DCHS2: variants seen among roughly 807,000 people sequenced by gnomAD.
DCHS2 encodes the protein dachsous cadherin-related 2.
DCHS2 carries 142 observed loss-of-function variants against 182.4 expected under a neutral mutation model. The observed-to-expected ratio is 0.78, with a 90% confidence interval of 0.68 to 0.89. DCHS2 has a LOEUF of 0.89. Among genes scored for constraint, DCHS2 ranks in the 40% least tolerant of loss-of-function variants. The pLI, the probability that DCHS2 is intolerant of heterozygous loss-of-function variation, is 0.00. For missense variants in DCHS2, 4,319 were observed against 4,198.6 expected, an observed-to-expected ratio of 1.03 and a Z score of -0.79; for synonymous variants, 1,740 against 1,663.3, an observed-to-expected ratio of 1.05 and a Z score of -1.12.
At chr4:154,252,347 A>AAT (rs1553997989) in intron 16 of DCHS2, among the ~76,000 whole-genome samples, 1 of 152,142 alleles carries the variant, frequency 6.6e-6, no homozygotes, top group African/African-American at 2.4e-5. Flanking sequence ...TTTTAATTAT[A>AAT]ATCTTTTTGT....
Position 154,330,943 on chromosome 4 carries a change from C to A in DCHS2, c.3731-1233G>T, listed in dbSNP as rs1340699278. 2.0e-5 allele frequency among the ~76,000 whole-genome samples: 3 copies of A among 152,132 alleles called. No homozygotes were observed. In the East Asian group the frequency reaches 5.8e-4, roughly 29 times the overall value. ...TAAAGCAAATCTGATGGATAAGCAG[C>A]AGCCTTGGAGGTCGGGGATGTAAAA... On this transcript the variant is annotated intron_variant, in intron 5 of 19. Coordinates refer to ENST00000357232, the MANE Select transcript of DCHS2 (RefSeq NM_001358235.2).
At chr4:154,258,179 G>A (rs1350167802) in intron 15 of DCHS2, among the ~76,000 whole-genome samples, 1 of 152,150 alleles carries the variant, frequency 6.6e-6, no homozygotes, top group Non-Finnish European at 1.5e-5. Flanking sequence ...ACAGGCTGGT[G>A]ACTAGAGCAA....
intron 1 of DCHS2, among the ~76,000 whole-genome samples, chr4:154,418,521 A>G (rs537591896): frequency 6.6e-6 from 1 of 152,252 alleles, no homozygotes; most frequent in East Asian, 1.9e-4. Flanking sequence ...AGGAATTTGT[A>G]AAGTATTTAT....
chr4:154,310,479 T>C (rs1030726465), intron 10 of DCHS2, among the ~76,000 whole-genome samples: 1 of 152,194 alleles, frequency 6.6e-6, no homozygotes, highest in South Asian at 2.1e-4. Flanking sequence ...GAAATGAGAA[T>C]GTTAGAGTGA....
intron 7 of DCHS2, chr4:154,322,976 TC>T: frequency 2.3e-6 from 1 of 432,772 alleles, no homozygotes; most frequent in Non-Finnish European, 4.0e-6. Flanking sequence ...TTTTCAACCA[TC>T]CCATAAATAC....
chr4:154,449,561 T>C (rs942080174), intron 1 of DCHS2, among the ~76,000 whole-genome samples: 1 of 152,004 alleles, frequency 6.6e-6, no homozygotes, highest in Non-Finnish European at 1.5e-5. Context: ...TTTGTAGAGA[T>C]GAGGTTTCAT....
At chr4:154,262,447 C>T (rs577651991) in intron 14 of DCHS2, among the ~76,000 whole-genome samples, 2 of 152,260 alleles carry the variant, frequency 1.3e-5, no homozygotes, top group Non-Finnish European at 2.9e-5. Flanking sequence ...TAATGGTATA[C>T]GCAGAAACTA....
intron 11 of DCHS2, 82 bp downstream of exon 11, chr4:154,305,015 T>C: frequency 6.6e-6 from 10 of 1,507,070 alleles, no homozygotes; most frequent in Non-Finnish European, 8.8e-6. Context: ...CCCAACAAAA[T>C]ATAACATTTC....
intron 16 of DCHS2, among the ~76,000 whole-genome samples, chr4:154,251,108 A>C (rs1206405661): frequency 6.6e-6 from 1 of 152,226 alleles, no homozygotes; most frequent in South Asian, 2.1e-4. Flanking sequence ...TTTGAAAAAG[A>C]TAATTAACAT....
At chr4:154,448,628 AC>A (rs1402981093) in intron 1 of DCHS2, among the ~76,000 whole-genome samples, 1 of 151,864 alleles carries the variant, frequency 6.6e-6, no homozygotes, top group Non-Finnish European at 1.5e-5. Flanking sequence ...GCTTCTTGTG[AC>A]CCCCATGCTT....
intron 1 of DCHS2, among the ~76,000 whole-genome samples, chr4:154,472,243 G>A (rs1022971520): frequency 3.3e-5 from 5 of 152,146 alleles, no homozygotes; most frequent in Non-Finnish European, 7.4e-5. Flanking sequence ...GTAATTTTCT[G>A]TACTGAGATC....
intron 1 of DCHS2, among the ~76,000 whole-genome samples, chr4:154,414,974 C>T (rs115080921): frequency 0.012 from 1,821 of 152,228 alleles, 15 homozygotes; most frequent in Non-Finnish European, 0.019. Flanking sequence ...AAGGTGATGC[C>T]GCGGCTACAG....
At chr4:154,313,223 C>G (rs970794684) in intron 10 of DCHS2, among the ~76,000 whole-genome samples, 1 of 152,126 alleles carries the variant, frequency 6.6e-6, no homozygotes, top group Non-Finnish European at 1.5e-5. Flanking sequence ...AGGGGGAGCT[C>G]TTTTTTCACT....
chr4:154,343,892 T>C (rs1729231985), intron 3 of DCHS2, among the ~76,000 whole-genome samples: 1 of 152,250 alleles, frequency 6.6e-6, no homozygotes, highest in Non-Finnish European at 1.5e-5. Context: ...ACTTTTGTCA[T>C]GCCTTCGTCA....
Position 154,409,948 on chromosome 4 carries a change from A to G in DCHS2, c.2053-32504T>C, listed in dbSNP as rs934346830. Among the ~76,000 whole-genome samples the G allele has an allele frequency of 8.5e-5, 13 of 152,154 alleles. No homozygotes were observed. In the East Asian group the frequency reaches 1.3e-3, roughly 16 times the overall value. On this transcript the variant is annotated intron_variant, in intron 1 of 19. Coordinates refer to ENST00000357232, the MANE Select transcript of DCHS2 (RefSeq NM_001358235.2). The stretch of plus-strand genomic sequence containing the variant: ...GAAGAACCTGCACAGATGCTATACC[A>G]CTGCATCTACTTGGAACCAAAGTCA...
At chr4:154,433,811 C>T (rs914153606) in intron 1 of DCHS2, among the ~76,000 whole-genome samples, 3 of 152,196 alleles carry the variant, frequency 2.0e-5, no homozygotes, top group African/African-American at 7.2e-5. Flanking sequence ...TGGCTCCAGG[C>T]CACCTTCTAT....
intron 1 of DCHS2, among the ~76,000 whole-genome samples, chr4:154,392,233 C>A (rs1731740339): frequency 6.6e-6 from 1 of 152,134 alleles, no homozygotes; most frequent in South Asian, 2.1e-4. Flanking sequence ...AAGCATCTCC[C>A]TCTTTTTTGG....
intron 13 of DCHS2, among the ~76,000 whole-genome samples, chr4:154,293,783 C>G (rs1390501880): frequency 6.6e-6 from 1 of 152,208 alleles, no homozygotes; most frequent in Non-Finnish European, 1.5e-5. Flanking sequence ...CAATGTCTCT[C>G]TCTTCCAAAT....
chr4:154,478,299 C>G (rs1735771121), intron 1 of DCHS2, among the ~76,000 whole-genome samples: 1 of 152,138 alleles, frequency 6.6e-6, no homozygotes, highest in Non-Finnish European at 1.5e-5. Flanking sequence ...AGCGGGAGTT[C>G]TGCTTCTGGT....
Sources: allele counts gnomAD v4.1 joint callset (sites outside exome capture counted in the v4.1 genomes callset), GRCh38; gene constraint gnomAD v4.1.1; transcripts MANE v1.5; gene names NCBI Gene and HGNC (gene_info 2026-07-23, HGNC 2026-07-21).